KIF24: variants seen among roughly 807,000 people sequenced by gnomAD.
KIF24 encodes the protein kinesin-like protein KIF24.
A neutral mutation model predicts 118.9 loss-of-function variants in KIF24; 81 were observed. That is an observed-to-expected ratio of 0.68 (90% CI 0.57 to 0.82). KIF24 has a LOEUF of 0.82. Among genes scored for constraint, KIF24 ranks in the 40% least tolerant of loss-of-function variants. The probability of loss-of-function intolerance (pLI) is 0.00; values close to 1 mark genes in which losing one functional copy is unlikely to be tolerated. For synonymous variants in KIF24, 599 were observed against 610.0 expected (o/e 0.98, Z 0.27); for missense variants, 1,560 against 1,661.6 (o/e 0.94, Z 1.06).
intron 6 of KIF24, among the ~76,000 whole-genome samples, chr9:34,278,299 A>T (rs925761898): frequency 6.6e-6 from 1 of 152,064 alleles, no homozygotes; most frequent in Admixed American, 6.5e-5. Context: ...AATCCCAGCT[A>T]CTCAGGAGGT....
At position 34,329,255 on chromosome 9, in the gene KIF24, G is replaced by A. The variant is rs866338052; in HGVS notation, c.-175C>T. Among the ~76,000 whole-genome samples, 4 of 152,234 alleles carry A rather than the reference G, an allele frequency of 2.6e-5. No homozygotes were observed. On this transcript the variant is annotated 5_prime_UTR_variant, in exon 1 of 13. Transcript: ENST00000402558. ...CGCATCTCCATGGCAACGCCGCCAA[G>A]CGCCAGTTCGAACGCCCGCGCTGTG... is the stretch of plus-strand genomic sequence containing the variant.
chr9:34,317,072 C>T (rs1358277648), intron 1 of KIF24, among the ~76,000 whole-genome samples: 1 of 151,980 alleles, frequency 6.6e-6, no homozygotes, highest in Admixed American at 6.6e-5. Context: ...AAACAATTAG[C>T]TGGGCGTGGT....
Position 34,318,360 on chromosome 9 carries a change from G to T in KIF24, c.-25-6989C>A. 4.6e-5 allele frequency: 22 copies of T among 481,748 alleles called. No individual in the cohort carries two copies. The highest frequency in any genetic ancestry group is 6.3e-4 in the Middle Eastern group (1 of 1,598). 29.8% of individuals were successfully genotyped at this position (481,748 alleles called of 1,614,324 possible). A position where few individuals can be genotyped will look rare whatever the true frequency, so the allele number is the denominator to read the frequency against. ...ACCCAGCCCAACCCAGCTTGACCTAGCCCTGACAGGTCCATCGTGGTGCAC... is the reference window on the plus strand; with the variant it reads ...ACCCAGCCCAACCCAGCTTGACCTATCCCTGACAGGTCCATCGTGGTGCAC... On this transcript the variant is annotated intron_variant, in intron 1 of 12. Transcript: ENST00000402558. The surrounding 1 kb of genome is among the most constrained non-coding windows in gnomAD (Gnocchi z 4.9).
chr9:34,268,507 TTC>T lies in KIF24; in HGVS notation c.1443+748_1443+749del, dbSNP rs200027234. Among the ~76,000 whole-genome samples the T allele has an allele frequency of 1.8e-3, 128 of 70,544 alleles. 1 individual carries two copies. The highest frequency in any genetic ancestry group is 0.013 in the South Asian group (17 of 1,342). 46.3% of individuals were successfully genotyped at this position (70,544 alleles called of 152,430 possible). A position where few individuals can be genotyped will look rare whatever the true frequency, so the allele number is the denominator to read the frequency against. ...AATGACATGATGACTAGGATTTTCT[TTC>T]TTTTTTTTTTTTTTTTGAGACTGAG... On this transcript the variant is annotated intron_variant, in intron 8 of 12. Coordinates refer to ENST00000402558, the MANE Select transcript of KIF24 (RefSeq NM_194313.4).
rs1253736587 is a variant in KIF24, at chr9:34,257,294, GAAC to G, written c.2310_2312del (p.Gln770_Phe771delinsHis). On this transcript the variant is annotated inframe_deletion, in exon 11 of 13. Coordinates refer to ENST00000402558, the MANE Select transcript of KIF24 (RefSeq NM_194313.4). Reference sequence around the variant, plus strand: ...TCTGTTGGAGGAGAGGTGGCTGTTGGAACTGCTGGTGATAGAAACGCAGATGTT... The same window carrying G: ...TCTGTTGGAGGAGAGGTGGCTGTTGGTGCTGGTGATAGAAACGCAGATGTT... 1 of 1,614,034 alleles carries G rather than the reference GAAC, an allele frequency of 6.2e-7. No homozygotes were observed. Among genetic ancestry groups the G allele is most frequent in the South Asian group, 1.1e-5 (1 of 91,086 alleles).
At chr9:34,262,083 A>C (rs2131676933) in intron 9 of KIF24, among the ~76,000 whole-genome samples, 1 of 152,250 alleles carries the variant, frequency 6.6e-6, no homozygotes, top group East Asian at 1.9e-4. Context: ...ATGGGCCCAC[A>C]GGCACGAGCC....
intron 9 of KIF24, among the ~76,000 whole-genome samples, chr9:34,261,272 ACAGGACACAAGGCGAAAAAGAACC>A (rs1404319960): frequency 1.3e-5 from 2 of 152,190 alleles, no homozygotes; most frequent in Non-Finnish European, 2.9e-5. Flanking sequence ...TCCACTGTGC[ACAGGACACAAGGCGAAAAAGAACC>A]CAGGACACCC....
intron 10 of KIF24, among the ~76,000 whole-genome samples, chr9:34,258,284 C>T (rs548784987): frequency 2.0e-5 from 3 of 152,038 alleles, no homozygotes; most frequent in Non-Finnish European, 4.4e-5. Flanking sequence ...ACCTGGGCAA[C>T]AGAGCAAGAC....
chr9:34,318,925 C>A lies in KIF24; in HGVS notation c.-25-7554G>T. 2 of 1,564,826 alleles carry A rather than the reference C, an allele frequency of 1.3e-6. No individual in the cohort carries two copies. Among genetic ancestry groups the A allele is most frequent in the Non-Finnish European group, 8.8e-7 (1 of 1,141,268 alleles). ...AGCGCAGTGCGCTGCAGTCCATCCA[C>A]GAGTGGGCCGTGCAGACCACCGACG... On this transcript the variant is annotated intron_variant, in intron 1 of 12. Transcript: ENST00000402558. This position sits in a 1 kb window ranked among gnomAD's most constrained non-coding sequence, Gnocchi z 4.9.
chr9:34,260,235 T>C (rs1300941830), intron 9 of KIF24, among the ~76,000 whole-genome samples: 4 of 152,178 alleles, frequency 2.6e-5, no homozygotes, highest in Admixed American at 6.5e-5. Flanking sequence ...ATCACACTTC[T>C]AGGACTTTAT....
intron 4 of KIF24, 128 bp downstream of exon 4, chr9:34,296,889 T>C: frequency 1.8e-6 from 1 of 541,278 alleles, no homozygotes. Flanking sequence ...AATCTAAATT[T>C]ATTAGCTCAA....
upstream of KIF24, among the ~76,000 whole-genome samples, chr9:34,331,083 A>G (rs1837918290): frequency 6.6e-6 from 1 of 152,238 alleles, no homozygotes; most frequent in Non-Finnish European, 1.5e-5. Flanking sequence ...TAAGGGAAAA[A>G]AGGTAATTCT....
At chr9:34,332,690 T>G (rs1342583275), upstream of KIF24, among the ~76,000 whole-genome samples, 1 of 152,158 alleles carries the variant, frequency 6.6e-6, no homozygotes, top group Non-Finnish European at 1.5e-5. Context: ...GTTTCCTCCC[T>G]CAGCCAATAG....
chr9:34,316,204 T>G (rs532648627), intron 1 of KIF24, among the ~76,000 whole-genome samples: 1 of 150,112 alleles, frequency 6.7e-6, no homozygotes, highest in Non-Finnish European at 1.5e-5. Flanking sequence ...AAAAATTAGC[T>G]GGGTGTGGTG....
At chr9:34,313,425 T>C (rs1413981364) in intron 1 of KIF24, among the ~76,000 whole-genome samples, 1 of 152,206 alleles carries the variant, frequency 6.6e-6, no homozygotes, top group Non-Finnish European at 1.5e-5. Flanking sequence ...CAGCAGTAGA[T>C]AACTGCAATA....
At chr9:34,303,825 G>C (rs771858470) in intron 3 of KIF24, among the ~76,000 whole-genome samples, 2 of 152,120 alleles carry the variant, frequency 1.3e-5, no homozygotes, top group South Asian at 2.1e-4. Context: ...CTCCAGCCTG[G>C]GCGATGGAGA....
chr9:34,315,399 T>C (rs1459536203), intron 1 of KIF24, among the ~76,000 whole-genome samples: 2 of 152,332 alleles, frequency 1.3e-5, no homozygotes, highest in South Asian at 4.1e-4. Context: ...AACATAAACA[T>C]TTTCATATGC....
chr9:34,328,788 T>C (rs572265510), intron 1 of KIF24, among the ~76,000 whole-genome samples: 2 of 152,200 alleles, frequency 1.3e-5, no homozygotes, highest in Admixed American at 6.5e-5. Context: ...CAAGGGCGAA[T>C]AGAAATGCCC....
chr9:34,256,294 C>A lies in KIF24; in HGVS notation c.3313G>T (p.Val1105Leu). Residue 1105 changes from valine (V) to leucine (L), a missense_variant, in exon 11 of 13, where the codon GTG (valine) becomes TTG (leucine). Physicochemically the swap from Val to Leu is conservative, Grantham distance 32. Around this residue, in one of 3 missense-constraint regions of KIF24, gnomAD observed 591 missense variants for 655.6 expected, o/e 0.90. Coordinates refer to ENST00000402558, the MANE Select transcript of KIF24 (RefSeq NM_194313.4). ...CACAGGTGCCTAGTTGCTGAAGACA[C>A]TGGCAAGGCTGCCTCTTGATCACCA... ...PSGDQEAALP[V>L]SSATRHLWLS... 6.2e-7 allele frequency: 1 copy of A among 1,611,978 alleles called. No individual in the cohort carries two copies.
Sources: allele counts gnomAD v4.1 joint callset (sites outside exome capture counted in the v4.1 genomes callset), GRCh38; gene constraint gnomAD v4.1.1; regional missense constraint gnomAD v4.1.1; non-coding constraint Gnocchi (gnomAD v3.1); transcripts MANE v1.5; gene names NCBI Gene and HGNC (gene_info 2026-07-23, HGNC 2026-07-21).